EIF2AK4: variants seen among roughly 807,000 people sequenced by gnomAD.
The protein encoded by EIF2AK4 is eukaryotic translation initiation factor 2 alpha kinase 4.
A neutral mutation model predicts 211.1 loss-of-function variants in EIF2AK4; 139 were observed. The observed-to-expected ratio is 0.66, with a 90% CI of 0.57 to 0.76. EIF2AK4 has a LOEUF of 0.76. Among genes scored for constraint, EIF2AK4 ranks in the 30% least tolerant of loss-of-function variants. EIF2AK4 has a pLI of 0.00. For synonymous variants in EIF2AK4, 710 were observed against 751.3 expected (o/e 0.94, Z 0.90); for missense variants, 1,664 against 2,043.8 (o/e 0.81, Z 3.58).
rs74009010 is a variant in EIF2AK4, at chr15:39,969,065, C to G, written c.1553+1186C>G. 6.6e-3 allele frequency among the ~76,000 whole-genome samples: 998 copies of G among 151,984 alleles called. 9 individuals are homozygous for G. The highest frequency in any genetic ancestry group is 0.022 in the African/African-American group (909 of 41,440). On this transcript the variant is annotated intron_variant, in intron 9 of 38. Coordinates refer to ENST00000263791, the MANE Select transcript of EIF2AK4 (RefSeq NM_001013703.4). ...AAATGCACCCTAACAATGAGGTTGGCCAAAATGACAAATATGATGATAGAA... is the reference window on the plus strand; with the variant it reads ...AAATGCACCCTAACAATGAGGTTGGGCAAAATGACAAATATGATGATAGAA...
chr15:39,961,718 A>T, intron 6 of EIF2AK4, 66 bp from the exon 7 acceptor site: 1 of 1,268,186 alleles, frequency 7.9e-7, no homozygotes, highest in Non-Finnish European at 1.1e-6. Context: ...TAACATTCCT[A>T]TGTTAATCTT....
chr15:39,987,195 A>C (rs1234782871), intron 14 of EIF2AK4, among the ~76,000 whole-genome samples: 1 of 152,206 alleles, frequency 6.6e-6, no homozygotes, highest in Non-Finnish European at 1.5e-5. Context: ...AATTAGAATG[A>C]GATAGAAGTA....
chr15:39,970,978 C>G (rs960755439), intron 9 of EIF2AK4, among the ~76,000 whole-genome samples: 4 of 152,152 alleles, frequency 2.6e-5, no homozygotes, highest in Non-Finnish European at 5.9e-5. Flanking sequence ...GTTGCTGTCA[C>G]CACTTTGTAT....
Position 40,003,334 on chromosome 15 carries a change from G to T in EIF2AK4, c.3357+20G>T. 1 of 1,613,362 alleles carries T rather than the reference G, an allele frequency of 6.2e-7. No homozygotes were observed. Among genetic ancestry groups the T allele is most frequent in the Non-Finnish European group, 8.5e-7 (1 of 1,179,692 alleles). On this transcript the variant is annotated intron_variant, in intron 23 of 38. Transcript: ENST00000263791. ...CTGCGGGTGAGGCTGGGAACACACT[G>T]CTGACAATCAGAATGCTGTATCTAG...
chr15:39,960,509 T>C (rs1300842104), intron 6 of EIF2AK4, among the ~76,000 whole-genome samples: 2 of 152,060 alleles, frequency 1.3e-5, no homozygotes. Flanking sequence ...AAATCAGGTT[T>C]AGAGCGAGTG....
chr15:40,001,583 G>A (rs904772876), intron 21 of EIF2AK4, among the ~76,000 whole-genome samples: 2 of 142,296 alleles, frequency 1.4e-5, no homozygotes, highest in East Asian at 2.0e-4. Flanking sequence ...GCAGAGAGCC[G>A]AGATCGTGCC....
chr15:40,029,892 C>T (rs1401709321), intron 34 of EIF2AK4, among the ~76,000 whole-genome samples: 1 of 152,170 alleles, frequency 6.6e-6, no homozygotes, highest in Non-Finnish European at 1.5e-5. Flanking sequence ...CCTCTAGCAA[C>T]CTTACTTCTT....
chr15:39,967,243 T>C, intron 8 of EIF2AK4, 101 bp from the exon 9 acceptor site: 1 of 1,360,782 alleles, frequency 7.3e-7, no homozygotes, highest in Non-Finnish European at 9.7e-7. Context: ...TTTGTTTTTT[T>C]ATGCCCCCAT....
chr15:39,966,501 CAAAAA>C (rs11391028), intron 8 of EIF2AK4, among the ~76,000 whole-genome samples: 29 of 140,356 alleles, frequency 2.1e-4, no homozygotes, highest in African/African-American at 7.1e-4. Flanking sequence ...ACCCTGTCTC[CAAAAA>C]AAAAAAAAGA....
At chr15:40,017,527 A>G (rs947178845) in intron 29 of EIF2AK4, among the ~76,000 whole-genome samples, 3 of 87,882 alleles carry the variant, frequency 3.4e-5, no homozygotes, top group African/African-American at 1.1e-4. Context: ...ATATATATAT[A>G]TATATATATA....
chr15:39,951,454 A>G, intron 4 of EIF2AK4: 1 of 388,176 alleles, frequency 2.6e-6, no homozygotes, highest in Admixed American at 3.2e-5. Context: ...GATAGCATAC[A>G]GGTTGGTGTT....
intron 7 of EIF2AK4, among the ~76,000 whole-genome samples, chr15:39,965,412 C>A (rs1285633441): frequency 6.6e-6 from 1 of 152,206 alleles, no homozygotes; most frequent in Non-Finnish European, 1.5e-5. Context: ...GCGTGAGCCA[C>A]CACGCCTGGC....
intron 35 of EIF2AK4, among the ~76,000 whole-genome samples, chr15:40,031,519 C>T (rs2035542750): frequency 6.6e-6 from 1 of 152,182 alleles, no homozygotes; most frequent in African/African-American, 2.4e-5. Flanking sequence ...CCACCTCTCC[C>T]TTTTTCCCAA....
At chr15:39,993,966 A>C (rs536479964) in intron 18 of EIF2AK4, among the ~76,000 whole-genome samples, 1 of 152,210 alleles carries the variant, frequency 6.6e-6, no homozygotes, top group Non-Finnish European at 1.5e-5. Context: ...GATTTTCCCA[A>C]CGGAAGGAAT....
rs1192565953 is a variant in EIF2AK4, at chr15:39,934,170, C to T, written c.-26C>T. On this transcript the variant is annotated 5_prime_UTR_variant, in exon 1 of 39. Transcript: ENST00000263791. ...GGGCCCACCGCCGCCCAGGCAAGGC[C>T]GCCCTGCCTTGGGCGCAGCGCTGCC... 1.5e-6 allele frequency: 2 copies of T among 1,376,066 alleles called. No homozygotes were observed. Among genetic ancestry groups the T allele is most frequent in the Non-Finnish European group, 1.9e-6 (2 of 1,067,374 alleles). The allele number at this position is 1,376,066 out of a possible 1,614,324, so 85.2% of individuals were successfully genotyped here. A position where few individuals can be genotyped will look rare whatever the true frequency, so the allele number is the denominator to read the frequency against.
At position 40,008,013 on chromosome 15, in the gene EIF2AK4, G is replaced by C. The variant is rs2279580; in HGVS notation, c.3408-14G>C. 0.37 allele frequency: 563,185 copies of C among 1,501,930 alleles called. 107,666 individuals carry two copies. The highest frequency in any genetic ancestry group is 0.48 in the Admixed American group (20,529 of 42,894). The allele number at this position is 1,501,930 out of a possible 1,614,324, so 93.0% of individuals were successfully genotyped here. ...GTAAGCAATGACCTTAGAAATCTGGGTTTCTCTCTCCAGATACTGCATAGA... is the reference window on the plus strand; with the variant it reads ...GTAAGCAATGACCTTAGAAATCTGGCTTTCTCTCTCCAGATACTGCATAGA... On this transcript the variant is annotated splice_polypyrimidine_tract_variant and intron_variant, in intron 24 of 38. Coordinates refer to ENST00000263791, the MANE Select transcript of EIF2AK4 (RefSeq NM_001013703.4).
chr15:39,939,424 A>T lies in EIF2AK4; in HGVS notation c.145-81A>T, dbSNP rs524240. ...AAATATTTTTAAAGTAGAACTTTTG[A>T]TCTAAAATGATCATTATCTTAATCA... is the stretch of plus-strand genomic sequence containing the variant. On this transcript the variant is annotated intron_variant, in intron 1 of 38. Transcript: ENST00000263791. 238,579 of 723,644 alleles carry T rather than the reference A, an allele frequency of 0.33. 46,611 individuals are homozygous for T. The highest frequency in any genetic ancestry group is 0.8 in the East Asian group (27,425 of 34,448). The allele number at this position is 723,644 out of a possible 1,614,324, so 44.8% of individuals were successfully genotyped here. A position where few individuals can be genotyped will look rare whatever the true frequency, so the allele number is the denominator to read the frequency against.
At chr15:40,014,928 T>C (rs2035285140) in intron 27 of EIF2AK4, among the ~76,000 whole-genome samples, 1 of 152,190 alleles carries the variant, frequency 6.6e-6, no homozygotes, top group Non-Finnish European at 1.5e-5. Flanking sequence ...CTCCCTCAAG[T>C]TCAAAGTTTC....
chr15:39,934,724 T>A (rs184205797), intron 1 of EIF2AK4, among the ~76,000 whole-genome samples: 79 of 152,378 alleles, frequency 5.2e-4, no homozygotes, highest in African/African-American at 1.9e-3. Flanking sequence ...TACTTTGTTC[T>A]GAGAACGCTT....
Sources: gnomAD v4.1 joint callset for allele counts (sites outside exome capture counted in the v4.1 genomes callset) on GRCh38, gnomAD v4.1.1 for gene constraint, MANE v1.5 for transcripts, NCBI Gene and HGNC (gene_info 2026-07-23, HGNC 2026-07-21) for gene names.